Variants in RPS6KC1 observed in about 807,000 individuals in gnomAD.
RPS6KC1 encodes inactive ribosomal protein S6 kinase delta-1.
Under a neutral mutation model 103.8 loss-of-function variants are expected in RPS6KC1, and 54 were observed. The observed-to-expected ratio is 0.52, with a 90% CI of 0.42 to 0.65. The LOEUF is 0.65. Ranked by LOEUF, RPS6KC1 falls within the 30% of genes least tolerant of loss-of-function variation. RPS6KC1 has a pLI of 0.00. For synonymous variants in RPS6KC1, 439 were observed against 438.7 expected (o/e 1.00, Z -0.01); for missense variants, 1,151 against 1,253.8 (o/e 0.92, Z 1.24).
chr1:213,765,310 T>A, the RPS6KC1 span, among the ~76,000 whole-genome samples: 3 of 152,220 alleles, frequency 2.0e-5, no homozygotes, highest in African/African-American at 7.2e-5. Context: ...AAGGCATCTC[T>A]ACTCCAATCC....
At chr1:213,342,213 G>A in the RPS6KC1 span, among the ~76,000 whole-genome samples, 1 of 152,120 alleles carries the variant, frequency 6.6e-6, no homozygotes, top group African/African-American at 2.4e-5. Context: ...GTTCAAAAGG[G>A]AAGCCACCTG....
chr1:213,203,961 T>C (rs929035971), intron 8 of RPS6KC1, among the ~76,000 whole-genome samples: 1 of 152,234 alleles, frequency 6.6e-6, no homozygotes, highest in Non-Finnish European at 1.5e-5. Context: ...TGAGAATGAA[T>C]GTGTGTCTGC....
the RPS6KC1 span, among the ~76,000 whole-genome samples, chr1:213,468,984 C>T: frequency 2.6e-5 from 4 of 152,142 alleles, no homozygotes; most frequent in Non-Finnish European, 2.9e-5. Context: ...GCTTACTTAG[C>T]GACACCTCAG....
At chr1:213,837,668 A>AGT in the RPS6KC1 span, among the ~76,000 whole-genome samples, 3 of 151,864 alleles carry the variant, frequency 2.0e-5, no homozygotes, top group African/African-American at 7.3e-5. Context: ...TTTACAGCTG[A>AGT]GTGTGTGTGT....
At chr1:213,167,253 T>C (rs917695062) in intron 6 of RPS6KC1, among the ~76,000 whole-genome samples, 2 of 152,074 alleles carry the variant, frequency 1.3e-5, no homozygotes, top group African/African-American at 4.8e-5. Flanking sequence ...AAGAGTATGA[T>C]GGGAAGAAGA....
the RPS6KC1 span, among the ~76,000 whole-genome samples, chr1:213,845,579 T>A: frequency 6.6e-6 from 1 of 152,216 alleles, no homozygotes. Flanking sequence ...TCCAAATAAG[T>A]TAATACTATG....
At chr1:213,577,692 G>A in the RPS6KC1 span, among the ~76,000 whole-genome samples, 3 of 152,226 alleles carry the variant, frequency 2.0e-5, no homozygotes, top group Admixed American at 6.5e-5. Context: ...GAACTTGAGA[G>A]AGATGATTTA....
the RPS6KC1 span, among the ~76,000 whole-genome samples, chr1:213,727,246 C>T: frequency 6.6e-6 from 1 of 152,134 alleles, no homozygotes; most frequent in Non-Finnish European, 1.5e-5. Flanking sequence ...TGAGAATTAC[C>T]TATGGCCATA....
chr1:213,844,246 C>T, the RPS6KC1 span, among the ~76,000 whole-genome samples: 1 of 152,098 alleles, frequency 6.6e-6, no homozygotes, highest in African/African-American at 2.4e-5. Context: ...TGGTGCATTG[C>T]ACAATAGTAA....
chr1:213,787,113 A>T, the RPS6KC1 span, among the ~76,000 whole-genome samples: 1 of 152,006 alleles, frequency 6.6e-6, no homozygotes, highest in Non-Finnish European at 1.5e-5. Flanking sequence ...TCAAGCTATT[A>T]GATCTCTGCT....
the RPS6KC1 span, among the ~76,000 whole-genome samples, chr1:213,495,468 CAT>C: frequency 6.6e-6 from 1 of 152,150 alleles, no homozygotes; most frequent in Non-Finnish European, 1.5e-5. Context: ...ATTACAGGTG[CAT>C]GCCACCATGG....
chr1:213,666,214 C>T, the RPS6KC1 span, among the ~76,000 whole-genome samples: 4 of 152,094 alleles, frequency 2.6e-5, no homozygotes, highest in Admixed American at 2.6e-4. Context: ...GAAGCATTTC[C>T]ATGCTCACAA....
chr1:213,299,975 T>G, the RPS6KC1 span, among the ~76,000 whole-genome samples: 2 of 152,110 alleles, frequency 1.3e-5, no homozygotes, highest in South Asian at 4.1e-4. Context: ...CGGCTAATTT[T>G]TTTGTATTTT....
chr1:213,103,414 A>G (rs1487463402), intron 3 of RPS6KC1, among the ~76,000 whole-genome samples: 4 of 152,190 alleles, frequency 2.6e-5, no homozygotes, highest in Non-Finnish European at 5.9e-5. Context: ...CCTTAAGTAC[A>G]TTATCCATTT....
intron 6 of RPS6KC1, among the ~76,000 whole-genome samples, chr1:213,152,204 G>C (rs903389055): frequency 1.4e-5 from 2 of 143,482 alleles, no homozygotes; most frequent in African/African-American, 2.6e-5. Context: ...CTCCCTCCTG[G>C]ACGGGGCGGC....
the RPS6KC1 span, among the ~76,000 whole-genome samples, chr1:213,328,455 A>G: frequency 1.4e-5 from 2 of 145,644 alleles, no homozygotes; most frequent in Non-Finnish European, 3.0e-5. Context: ...ATTTTCCTGA[A>G]TTCATCGTCT....
At chr1:213,761,392 T>G in the RPS6KC1 span, among the ~76,000 whole-genome samples, 1 of 152,316 alleles carries the variant, frequency 6.6e-6, no homozygotes, top group South Asian at 2.1e-4. Context: ...TTACAGACTT[T>G]TGAAAATCAG....
chr1:213,074,608 C>G lies in RPS6KC1; in HGVS notation c.142-3088C>G, dbSNP rs556113248. Reference sequence around the variant, plus strand: ...GCAGTGGATGTGACATTTTGCGATGCTGTTAGGTATTTTGGTTCTGCAGCC... The same window carrying G: ...GCAGTGGATGTGACATTTTGCGATGGTGTTAGGTATTTTGGTTCTGCAGCC... On this transcript the variant is annotated intron_variant, in intron 2 of 14. Transcript: ENST00000366960. 9.2e-5 allele frequency among the ~76,000 whole-genome samples: 14 copies of G among 152,074 alleles called. No homozygotes were observed. In the South Asian group the frequency reaches 2.9e-3, roughly 32 times the overall value.
chr1:213,638,212 A>AT, the RPS6KC1 span, among the ~76,000 whole-genome samples: 1 of 152,020 alleles, frequency 6.6e-6, no homozygotes, highest in African/African-American at 2.4e-5. Context: ...ATATATTCAA[A>AT]TTTTTGCCGA....
Sources: allele counts gnomAD v4.1 joint callset (sites outside exome capture counted in the v4.1 genomes callset), GRCh38; gene constraint gnomAD v4.1.1; transcripts MANE v1.5; gene names NCBI Gene and HGNC (gene_info 2026-07-23, HGNC 2026-07-21).